The following ASTN2 variants were observed in gnomAD, a reference collection of about 807,000 sequenced individuals.
ASTN2 encodes the protein astrotactin 2.
A neutral mutation model predicts 139.8 loss-of-function variants in ASTN2; 54 were observed. The observed-to-expected ratio is 0.39, with a 90% confidence interval of 0.31 to 0.48. The LOEUF (loss-of-function observed/expected upper bound fraction) is 0.48. Among genes scored for constraint, ASTN2 ranks in the 20% least tolerant of loss-of-function variants. The probability of loss-of-function intolerance (pLI) is 0.95; values close to 1 mark genes in which losing one functional copy is unlikely to be tolerated. For missense variants in ASTN2, 1,565 were observed against 1,725.1 expected (o/e 0.91, Z 1.64); for synonymous variants, 756 against 719.5 (o/e 1.05, Z -0.81).
intron 12 of ASTN2, among the ~76,000 whole-genome samples, chr9:116,811,166 T>G (rs1831156427): frequency 6.6e-6 from 1 of 152,176 alleles, no homozygotes; most frequent in African/African-American, 2.4e-5. Context: ...CAGCTTTTAT[T>G]TAATTCCTTC....
intron 16 of ASTN2, among the ~76,000 whole-genome samples, chr9:116,714,120 G>A (rs780975292): frequency 2.0e-5 from 3 of 152,022 alleles, no homozygotes; most frequent in Non-Finnish European, 4.4e-5. Context: ...ACACATATAC[G>A]CACATATATA....
intron 19 of ASTN2, among the ~76,000 whole-genome samples, chr9:116,492,345 G>C (rs1354373500): frequency 6.6e-6 from 1 of 152,138 alleles, no homozygotes; most frequent in African/African-American, 2.4e-5. Flanking sequence ...GCCTCCCAAA[G>C]TGCTGGGATT....
intron 19 of ASTN2, among the ~76,000 whole-genome samples, chr9:116,561,150 C>T (rs958803811): frequency 3.3e-5 from 5 of 152,050 alleles, no homozygotes; most frequent in Admixed American, 6.6e-5. Context: ...GAGCACAAAT[C>T]GTCCAAACAC....
intron 1 of ASTN2, among the ~76,000 whole-genome samples, chr9:117,392,904 C>A (rs552429883): frequency 6.6e-6 from 1 of 152,182 alleles, no homozygotes; most frequent in Admixed American, 6.5e-5. Flanking sequence ...CAGGTCTCTA[C>A]CAGCTGCTCT....
intron 2 of ASTN2, among the ~76,000 whole-genome samples, chr9:117,290,246 G>A (rs1472492516): frequency 1.3e-5 from 2 of 152,112 alleles, no homozygotes; most frequent in African/African-American, 2.4e-5. Flanking sequence ...ATGTAAGAGG[G>A]GCTTTGAGGA....
chr9:117,037,324 G>A (rs1404849273), intron 6 of ASTN2, among the ~76,000 whole-genome samples: 1 of 147,476 alleles, frequency 6.8e-6, no homozygotes, highest in Non-Finnish European at 1.5e-5. Flanking sequence ...GCTGTCTCGG[G>A]TAATCCCTTG....
intron 3 of ASTN2, among the ~76,000 whole-genome samples, chr9:117,147,256 A>C (rs957881850): frequency 3.3e-5 from 5 of 152,144 alleles, no homozygotes; most frequent in African/African-American, 1.2e-4. Flanking sequence ...CCTGGCCAAC[A>C]TGATGAAACC....
chr9:116,786,977 T>C (rs1297768338), intron 13 of ASTN2, among the ~76,000 whole-genome samples: 1 of 152,166 alleles, frequency 6.6e-6, no homozygotes, highest in African/African-American at 2.4e-5. Context: ...GGACACTCAT[T>C]CTCTTTCCTG....
At position 116,808,076 on chromosome 9, in the gene ASTN2, T is replaced by C. The variant is rs543215178; in HGVS notation, c.2208-2256A>G. On this transcript the variant is annotated intron_variant, in intron 12 of 22. Coordinates refer to ENST00000313400, the MANE Select transcript of ASTN2 (RefSeq NM_001365068.1). ...TTGTAGTTAGCCGAGATCATGCCACTGCACTCCAGCCCAGGCAACAGTGTG... is the reference window on the plus strand; with the variant it reads ...TTGTAGTTAGCCGAGATCATGCCACCGCACTCCAGCCCAGGCAACAGTGTG... 2.5e-4 allele frequency among the ~76,000 whole-genome samples: 38 copies of C among 152,294 alleles called. 1 individual carries two copies. The South Asian group carries it at 7.7e-3, about 31-fold the overall frequency.
intron 16 of ASTN2, among the ~76,000 whole-genome samples, chr9:116,703,811 C>A (rs768089587): frequency 3.3e-5 from 5 of 152,148 alleles, no homozygotes; most frequent in South Asian, 4.2e-4. Flanking sequence ...CAGGTCTCCA[C>A]CCTGCACTTG....
chr9:116,921,210 G>C (rs1473191154), intron 10 of ASTN2, among the ~76,000 whole-genome samples: 1 of 152,056 alleles, frequency 6.6e-6, no homozygotes. Flanking sequence ...AGTATCAAGG[G>C]GGATGCTCTT....
At chr9:117,333,288 C>T (rs924311333) in intron 1 of ASTN2, among the ~76,000 whole-genome samples, 14 of 152,116 alleles carry the variant, frequency 9.2e-5, no homozygotes, top group South Asian at 4.2e-4. Flanking sequence ...TGTGCATGGC[C>T]GCTCTCATCT....
At chr9:116,550,265 A>G (rs192511632) in intron 19 of ASTN2, among the ~76,000 whole-genome samples, 6 of 152,316 alleles carry the variant, frequency 3.9e-5, no homozygotes, top group Admixed American at 2.6e-4. Context: ...CTGGGTTTCA[A>G]TCTAGCTTCC....
chr9:117,352,800 A>G (rs1210078205), intron 1 of ASTN2, among the ~76,000 whole-genome samples: 8 of 152,204 alleles, frequency 5.3e-5, no homozygotes, highest in Non-Finnish European at 1.2e-4. Context: ...ATAAAATGTA[A>G]TATACACATA....
At chr9:116,970,690 C>T (rs186000370) in intron 10 of ASTN2, among the ~76,000 whole-genome samples, 112 of 152,260 alleles carry the variant, frequency 7.4e-4, no homozygotes, top group African/African-American at 2.6e-3. Context: ...TAATTCTATT[C>T]AGAACTAACT....
At chr9:116,537,145 C>A (rs1222442996) in intron 19 of ASTN2, among the ~76,000 whole-genome samples, 1 of 152,224 alleles carries the variant, frequency 6.6e-6, no homozygotes, top group Non-Finnish European at 1.5e-5. Flanking sequence ...GGGCATGAGA[C>A]CCTCCGAGCC....
chr9:117,402,509 G>A (rs577408903), intron 1 of ASTN2, among the ~76,000 whole-genome samples: 14 of 152,298 alleles, frequency 9.2e-5, no homozygotes, highest in African/African-American at 3.1e-4. Flanking sequence ...GGGTAGAGCA[G>A]GTTTAGGGGG....
intron 6 of ASTN2, among the ~76,000 whole-genome samples, chr9:117,033,556 C>T (rs1838305672): frequency 1.3e-5 from 2 of 152,082 alleles, no homozygotes; most frequent in African/African-American, 4.8e-5. Context: ...AAGACGTTTC[C>T]AAACCAAGGC....
chr9:116,978,439 A>G (rs1454367083), intron 7 of ASTN2, among the ~76,000 whole-genome samples: 3 of 148,838 alleles, frequency 2.0e-5, no homozygotes, highest in Non-Finnish European at 1.5e-5. Flanking sequence ...ACATTATCTC[A>G]TTATCTCTCT....
Sources: gnomAD v4.1 joint callset for allele counts (sites outside exome capture counted in the v4.1 genomes callset) on GRCh38, gnomAD v4.1.1 for gene constraint, MANE v1.5 for transcripts, NCBI Gene and HGNC (gene_info 2026-07-23, HGNC 2026-07-21) for gene names.